Variants in KCNH7 observed in about 807,000 individuals in gnomAD.
KCNH7 encodes potassium voltage-gated channel subfamily H member 7.
In KCNH7, 49 loss-of-function variants were observed where a neutral mutation model predicts 120.8. The observed-to-expected ratio is 0.41, with a 90% CI of 0.32 to 0.51. The LOEUF is 0.51. KCNH7 is among the 20% of genes least tolerant of loss of function. The pLI is 0.38. For synonymous variants in KCNH7, 547 were observed against 516.1 expected (o/e 1.06, Z -0.81); for missense variants, 1,097 against 1,446.6 (o/e 0.76, Z 3.92).
intron 2 of KCNH7, among the ~76,000 whole-genome samples, chr2:162,732,559 G>C (rs1687768861): frequency 6.6e-6 from 1 of 152,068 alleles, no homozygotes; most frequent in Non-Finnish European, 1.5e-5. Flanking sequence ...AAGGTACAAT[G>C]GAAGGAAGAT....
chr2:162,416,376 A>G (rs1438574324), intron 9 of KCNH7, among the ~76,000 whole-genome samples: 3 of 137,128 alleles, frequency 2.2e-5, no homozygotes, highest in Non-Finnish European at 4.7e-5. Context: ...CCGTCTCTAG[A>G]AAAAAAAAAA....
chr2:162,546,561 C>T (rs905948444), intron 2 of KCNH7, among the ~76,000 whole-genome samples: 6 of 152,236 alleles, frequency 3.9e-5, no homozygotes, highest in African/African-American at 1.4e-4. Context: ...ATCCTGGGGA[C>T]AGCCACCCCG....
intron 2 of KCNH7, among the ~76,000 whole-genome samples, chr2:162,794,310 A>G (rs951447859): frequency 6.6e-6 from 1 of 151,846 alleles, no homozygotes; most frequent in African/African-American, 2.4e-5. Flanking sequence ...GATCATTTAC[A>G]TGCCAGGAAC....
At chr2:162,803,311 T>C (rs1684414459) in intron 2 of KCNH7, among the ~76,000 whole-genome samples, 1 of 151,802 alleles carries the variant, frequency 6.6e-6, no homozygotes, top group Non-Finnish European at 1.5e-5. Context: ...AGTTTGAAAG[T>C]AATTCTGGAT....
intron 2 of KCNH7, among the ~76,000 whole-genome samples, chr2:162,664,076 A>G (rs1167121773): frequency 6.6e-6 from 1 of 152,060 alleles, no homozygotes; most frequent in Admixed American, 6.6e-5. Context: ...TTTAGTTGCC[A>G]TCTTTCCCCC....
chr2:162,498,919 AT>A (rs1333982103), intron 6 of KCNH7, among the ~76,000 whole-genome samples: 1 of 152,080 alleles, frequency 6.6e-6, no homozygotes, highest in Non-Finnish European at 1.5e-5. Context: ...CCTTTCAGTA[AT>A]ATGGCCCAAT....
At chr2:162,540,752 AG>A (rs1692275952) in intron 2 of KCNH7, among the ~76,000 whole-genome samples, 1 of 151,992 alleles carries the variant, frequency 6.6e-6, no homozygotes, top group Non-Finnish European at 1.5e-5. Flanking sequence ...GGCACTGGAG[AG>A]TTTTATCCAG....
intron 2 of KCNH7, among the ~76,000 whole-genome samples, chr2:162,609,540 C>G (rs1299950949): frequency 6.6e-6 from 1 of 152,092 alleles, no homozygotes; most frequent in Non-Finnish European, 1.5e-5. Flanking sequence ...ATCATTTAGT[C>G]TAACCTTTTT....
intron 2 of KCNH7, among the ~76,000 whole-genome samples, chr2:162,790,347 A>G (rs1313492072): frequency 2.0e-5 from 3 of 152,072 alleles, no homozygotes; most frequent in African/African-American, 7.2e-5. Flanking sequence ...CAGTAATCAC[A>G]AATCTCTCAT....
At chr2:162,559,564 A>G (rs180785297) in intron 2 of KCNH7, among the ~76,000 whole-genome samples, 102 of 152,336 alleles carry the variant, frequency 6.7e-4, no homozygotes, top group Admixed American at 3.5e-3. Context: ...ACATGCAAAC[A>G]AGACACCCAT....
intron 2 of KCNH7, among the ~76,000 whole-genome samples, chr2:162,692,381 A>C (rs1257885731): frequency 6.6e-6 from 1 of 152,128 alleles, no homozygotes; most frequent in East Asian, 1.9e-4. Flanking sequence ...TGTGGATCTT[A>C]GAATCCATAC....
At chr2:162,424,260 G>A (rs1348143629) in intron 8 of KCNH7, among the ~76,000 whole-genome samples, 3 of 152,086 alleles carry the variant, frequency 2.0e-5, no homozygotes, top group Non-Finnish European at 2.9e-5. Context: ...GGAAGAAACC[G>A]CTATGAGATC....
At chr2:162,417,126 C>T (rs954341718) in intron 9 of KCNH7, among the ~76,000 whole-genome samples, 9 of 152,074 alleles carry the variant, frequency 5.9e-5, no homozygotes, top group African/African-American at 2.2e-4. Flanking sequence ...CCATTTATAA[C>T]ATCAATCCCA....
chr2:162,412,148 GATAA>G (rs984346046), intron 9 of KCNH7, among the ~76,000 whole-genome samples: 9 of 151,870 alleles, frequency 5.9e-5, no homozygotes, highest in Admixed American at 2.6e-4. Context: ...CTGGATAGAA[GATAA>G]ATAGTTTTAT....
intron 2 of KCNH7, among the ~76,000 whole-genome samples, chr2:162,763,265 T>C (rs1689026521): frequency 6.6e-6 from 1 of 152,254 alleles, no homozygotes; most frequent in Non-Finnish European, 1.5e-5. Flanking sequence ...ACAAATATTA[T>C]TGAAACATTT....
At chr2:162,829,024 C>T (rs1685385193) in intron 2 of KCNH7, among the ~76,000 whole-genome samples, 2 of 152,038 alleles carry the variant, frequency 1.3e-5, no homozygotes, top group South Asian at 2.1e-4. Context: ...GAGCCCATTG[C>T]TTTTCTTAAT....
intron 2 of KCNH7, among the ~76,000 whole-genome samples, chr2:162,823,016 A>G (rs1404350337): frequency 1.3e-5 from 2 of 152,202 alleles, no homozygotes; most frequent in Non-Finnish European, 2.9e-5. Context: ...CTGACTCCAC[A>G]TATGTGTGTA....
chr2:162,608,594 T>C (rs969422056), intron 2 of KCNH7, among the ~76,000 whole-genome samples: 1 of 152,184 alleles, frequency 6.6e-6, no homozygotes, highest in Non-Finnish European at 1.5e-5. Context: ...GAATCTCTTT[T>C]CATATCCTGA....
chr2:162,510,374 G>A (rs530363925), intron 5 of KCNH7, among the ~76,000 whole-genome samples: 1 of 151,716 alleles, frequency 6.6e-6, no homozygotes, highest in South Asian at 2.1e-4. Flanking sequence ...TCTCTGTCCA[G>A]TAGAGACAGA....
Sources: allele counts gnomAD v4.1 joint callset (sites outside exome capture counted in the v4.1 genomes callset), GRCh38; gene constraint gnomAD v4.1.1; transcripts MANE v1.5; gene names NCBI Gene and HGNC (gene_info 2026-07-23, HGNC 2026-07-21).